The following GAD2 variants were observed in gnomAD, a reference collection of about 807,000 sequenced individuals.
The protein encoded by GAD2 is 65 kDa glutamic acid decarboxylase.
GAD2 carries 22 observed loss-of-function variants against 80.1 expected under a neutral mutation model. That is an observed-to-expected ratio of 0.27 (90% confidence interval 0.20 to 0.39). The LOEUF (loss-of-function observed/expected upper bound fraction) is 0.39. GAD2 is among the 10% of genes least tolerant of loss of function. The pLI, the probability that GAD2 is intolerant of heterozygous loss-of-function variation, is 1.00. For missense variants in GAD2, 624 were observed against 738.4 expected (o/e 0.85, Z 1.80); for synonymous variants, 274 against 256.9 (o/e 1.07, Z -0.64).
intron 15 of GAD2, 122 bp from the exon 16 acceptor site, chr10:26,300,666 G>T: frequency 1.2e-6 from 1 of 839,232 alleles, no homozygotes; most frequent in Admixed American, 2.3e-5. Flanking sequence ...ACTCTTTCAA[G>T]AGAAAACAAT....
At chr10:26,295,508 GCA>G (rs61216190) in intron 15 of GAD2, among the ~76,000 whole-genome samples, 14,909 of 133,570 alleles carry the variant, frequency 0.11, 792 homozygotes, top group Middle Eastern at 0.16. Context: ...TCATACGCAT[GCA>G]CACACACACA....
In GAD2 at chr10:26,245,908, AT is replaced by A. The variant is rs762577520; in HGVS notation, c.841-5del. The A allele has an allele frequency of 2.3e-5, 36 of 1,571,640 alleles. No homozygotes were observed. The highest frequency in any genetic ancestry group is 3.3e-5 in the South Asian group (3 of 90,146). On this transcript the variant is annotated splice_polypyrimidine_tract_variant and intron_variant, in intron 7 of 15. Transcript: ENST00000376261. ...TATGGAACTAATTGCAAATATATAT[AT>A]TTTTTTTACAGAGTCATTTTTCTCT...
intron 7 of GAD2, among the ~76,000 whole-genome samples, chr10:26,237,100 C>A (rs1179835495): frequency 6.6e-6 from 1 of 152,144 alleles, no homozygotes; most frequent in Non-Finnish European, 1.5e-5. Flanking sequence ...CCAGGCGTTG[C>A]TTCTGGCACG....
At chr10:26,260,643 A>T (rs573696506) in intron 8 of GAD2, among the ~76,000 whole-genome samples, 1 of 152,088 alleles carries the variant, frequency 6.6e-6, no homozygotes, top group Non-Finnish European at 1.5e-5. Flanking sequence ...AACAAAAAAA[A>T]CTTTCCAGAC....
rs993325399 is a variant in GAD2, at chr10:26,286,030, T to C, written c.1237-315T>C. Among the ~76,000 whole-genome samples the C allele has an allele frequency of 2.2e-4, 33 of 152,196 alleles. 1 individual carries two copies. Among genetic ancestry groups the C allele is most frequent in the African/African-American group, 8.0e-4 (33 of 41,442 alleles). On this transcript the variant is annotated intron_variant, in intron 12 of 15. Coordinates refer to ENST00000376261, the MANE Select transcript of GAD2 (RefSeq NM_001134366.2). ...AACATTTAAATATAAATATATGCTCTGGTTGTGATTTTTATTTATCAGTTG... is the reference window on the plus strand; with the variant it reads ...AACATTTAAATATAAATATATGCTCCGGTTGTGATTTTTATTTATCAGTTG...
chr10:26,259,990 C>A (rs552771804), intron 8 of GAD2, among the ~76,000 whole-genome samples: 2 of 152,046 alleles, frequency 1.3e-5, no homozygotes, highest in Non-Finnish European at 2.9e-5. Context: ...ATAAAAGAAC[C>A]TAGATATAAT....
At chr10:26,285,768 GTT>G (rs11351928) in intron 12 of GAD2, among the ~76,000 whole-genome samples, 3,570 of 145,150 alleles carry the variant, frequency 0.025, 47 homozygotes, top group Middle Eastern at 0.066. Context: ...CAATATGTGG[GTT>G]TTTTTTTTTT....
At chr10:26,229,857 T>C (rs1344522065) in intron 7 of GAD2, 80 bp downstream of exon 7, 4 of 1,041,970 alleles carry the variant, frequency 3.8e-6, no homozygotes, top group Non-Finnish European at 5.8e-6. Flanking sequence ...GGAAATGCAT[T>C]ATCCCCAGAG....
At chr10:26,252,635 G>A (rs1474447946) in intron 8 of GAD2, among the ~76,000 whole-genome samples, 1 of 151,800 alleles carries the variant, frequency 6.6e-6, no homozygotes, top group African/African-American at 2.4e-5. Flanking sequence ...ACAGGCATGA[G>A]CCACCATGCC....
intron 15 of GAD2, among the ~76,000 whole-genome samples, chr10:26,294,070 A>G (rs1052808486): frequency 5.3e-5 from 8 of 152,192 alleles, no homozygotes; most frequent in African/African-American, 1.9e-4. Flanking sequence ...TGCACATCGA[A>G]GCGGGGTATA....
chr10:26,230,526 C>T (rs1031101682), intron 7 of GAD2, among the ~76,000 whole-genome samples: 1 of 152,042 alleles, frequency 6.6e-6, no homozygotes, highest in Admixed American at 6.5e-5. Context: ...CCTCAACTTC[C>T]TAGGTTCAAG....
intron 15 of GAD2, among the ~76,000 whole-genome samples, chr10:26,299,365 C>T (rs1834305992): frequency 6.6e-6 from 1 of 152,174 alleles, no homozygotes; most frequent in South Asian, 2.1e-4. Flanking sequence ...CCATTTTGAA[C>T]CGGGTTTCTG....
At chr10:26,220,608 C>A (rs1023617599) in intron 4 of GAD2, among the ~76,000 whole-genome samples, 4 of 152,144 alleles carry the variant, frequency 2.6e-5, no homozygotes, top group Non-Finnish European at 2.9e-5. Flanking sequence ...AAAAATTTTC[C>A]TACCCCTCCT....
At chr10:26,290,953 A>G (rs1189467721) in intron 13 of GAD2, among the ~76,000 whole-genome samples, 3 of 152,208 alleles carry the variant, frequency 2.0e-5, no homozygotes, top group African/African-American at 4.8e-5. Flanking sequence ...GGGCAGTCAC[A>G]TGGCCCATGA....
intron 15 of GAD2, 112 bp from the exon 16 acceptor site, chr10:26,300,676 T>A: frequency 1.1e-6 from 1 of 907,532 alleles, no homozygotes; most frequent in Non-Finnish European, 1.7e-6. Flanking sequence ...GAGAAAACAA[T>A]AAGGTTCTGA....
chr10:26,257,818 C>A (rs1844961572), intron 8 of GAD2, among the ~76,000 whole-genome samples: 1 of 152,184 alleles, frequency 6.6e-6, no homozygotes, highest in Non-Finnish European at 1.5e-5. Context: ...TCATTATATT[C>A]TTTTGTTAAA....
At chr10:26,233,018 A>G (rs945279836) in intron 7 of GAD2, among the ~76,000 whole-genome samples, 2 of 151,914 alleles carry the variant, frequency 1.3e-5, no homozygotes, top group Non-Finnish European at 2.9e-5. Context: ...AATATATAAC[A>G]CCTTATATCT....
At chr10:26,223,314 G>A (rs751699423) in intron 4 of GAD2, among the ~76,000 whole-genome samples, 1 of 152,124 alleles carries the variant, frequency 6.6e-6, no homozygotes, top group Non-Finnish European at 1.5e-5. Context: ...TGAATCCAGG[G>A]CAAATCATTC....
chr10:26,304,014 C>G lies in GAD2; in HGVS notation c.*3053C>G, dbSNP rs112971721. The G allele has an allele frequency of 2.3e-3, 344 of 152,254 alleles. 2 individuals are homozygous for G. Among genetic ancestry groups the G allele is most frequent in the African/African-American group, 7.1e-3 (296 of 41,550 alleles). The allele number at this position is 152,254 out of a possible 1,614,324, so 9.4% of individuals were successfully genotyped here. Reference sequence around the variant, plus strand: ...TCTCTCTCTTTCCTAACTATATGCCCTCCACATCGGCTCTAATAGAGAACA... The same window carrying G: ...TCTCTCTCTTTCCTAACTATATGCCGTCCACATCGGCTCTAATAGAGAACA... On this transcript the variant is annotated 3_prime_UTR_variant, in exon 16 of 16. Transcript: ENST00000376261.
Sources: allele counts gnomAD v4.1 joint callset (sites outside exome capture counted in the v4.1 genomes callset), GRCh38; gene constraint gnomAD v4.1.1; transcripts MANE v1.5; gene names NCBI Gene and HGNC (gene_info 2026-07-23, HGNC 2026-07-21).